Variants in PTPRD observed in about 807,000 individuals in gnomAD.
The protein encoded by PTPRD is receptor-type tyrosine-protein phosphatase delta.
A neutral mutation model predicts 214.5 loss-of-function variants in PTPRD; 34 were observed. That is an observed-to-expected ratio of 0.16 (90% CI 0.12 to 0.21). The LOEUF (loss-of-function observed/expected upper bound fraction) is 0.21, where lower values mean the gene tolerates loss of function less well. Among genes scored for constraint, PTPRD ranks in the 10% least tolerant of loss-of-function variants. The pLI is 1.00. For missense variants in PTPRD, 2,545 were observed against 2,398.7 expected, an observed-to-expected ratio of 1.06 and a Z score of -1.27; for synonymous variants, 1,128 against 845.7, an observed-to-expected ratio of 1.33 and a Z score of -5.79.
intron 8 of PTPRD, among the ~76,000 whole-genome samples, chr9:9,470,650 T>G (rs997458770): frequency 6.6e-6 from 1 of 152,200 alleles, no homozygotes; most frequent in Admixed American, 6.5e-5. Flanking sequence ...AAGTATATGG[T>G]ACCAAACTTC....
chr9:8,494,568 G>A (rs1355620492), intron 26 of PTPRD, among the ~76,000 whole-genome samples: 1 of 152,170 alleles, frequency 6.6e-6, no homozygotes, highest in Non-Finnish European at 1.5e-5. Flanking sequence ...CTGGAGTACT[G>A]CTGAAAAGCA....
chr9:10,063,006 C>A (rs1234497323), intron 3 of PTPRD, among the ~76,000 whole-genome samples: 2 of 152,060 alleles, frequency 1.3e-5, no homozygotes, highest in Non-Finnish European at 2.9e-5. Flanking sequence ...TAAGAAAAGA[C>A]TGTGGAAACA....
chr9:9,944,903 C>G (rs185781546), intron 4 of PTPRD, among the ~76,000 whole-genome samples: 216 of 151,820 alleles, frequency 1.4e-3, no homozygotes, highest in African/African-American at 4.9e-3. Flanking sequence ...AGAGATGAGA[C>G]TGAAGGAAGT....
chr9:9,372,289 G>T (rs1287959435), intron 9 of PTPRD, among the ~76,000 whole-genome samples: 7 of 152,076 alleles, frequency 4.6e-5, no homozygotes, highest in Non-Finnish European at 1.0e-4. Context: ...TTATGTATCT[G>T]GGTGCTCCTG....
chr9:9,732,538 C>T (rs2098216124), intron 7 of PTPRD, among the ~76,000 whole-genome samples: 1 of 152,058 alleles, frequency 6.6e-6, no homozygotes, highest in Non-Finnish European at 1.5e-5. Context: ...AGGACAATTA[C>T]AGGAGGAGGG....
At chr9:9,438,652 C>T (rs1047799342) in intron 8 of PTPRD, among the ~76,000 whole-genome samples, 2 of 152,142 alleles carry the variant, frequency 1.3e-5, no homozygotes, top group Admixed American at 6.6e-5. Flanking sequence ...GCTAATTATT[C>T]ACTATGACTA....
chr9:8,713,544 C>T (rs549501942), intron 12 of PTPRD: 8 of 1,320,746 alleles, frequency 6.1e-6, no homozygotes, highest in Admixed American at 5.1e-5. Context: ...TGAAGAACTT[C>T]GGGATCTGGC....
intron 7 of PTPRD, among the ~76,000 whole-genome samples, chr9:9,637,361 C>G (rs1287817816): frequency 6.6e-6 from 1 of 152,162 alleles, no homozygotes; most frequent in African/African-American, 2.4e-5. Context: ...TGAAATCAAA[C>G]AAGTTATGTA....
chr9:9,019,331 A>C (rs1413480206), intron 10 of PTPRD, among the ~76,000 whole-genome samples: 4 of 49,132 alleles, frequency 8.1e-5, no homozygotes, highest in African/African-American at 2.2e-4. Flanking sequence ...AAAGAAAGAA[A>C]GAAAGAACGA....
chr9:8,321,878 CTG>C (rs1012245590), intron 44 of PTPRD, among the ~76,000 whole-genome samples: 4 of 152,106 alleles, frequency 2.6e-5, no homozygotes, highest in Non-Finnish European at 5.9e-5. Flanking sequence ...AATTGAACGT[CTG>C]TGTCAATCTT....
intron 7 of PTPRD, among the ~76,000 whole-genome samples, chr9:9,603,541 C>T (rs1252633642): frequency 6.6e-6 from 1 of 152,136 alleles, no homozygotes; most frequent in East Asian, 1.9e-4. Flanking sequence ...AGCAGGCAAG[C>T]AAGCATTACC....
chr9:10,512,544 T>G (rs530023431), intron 2 of PTPRD, among the ~76,000 whole-genome samples: 1 of 152,270 alleles, frequency 6.6e-6, no homozygotes, highest in East Asian at 1.9e-4. Context: ...TGATTTTTAT[T>G]TAATTTCTAC....
intron 31 of PTPRD, among the ~76,000 whole-genome samples, chr9:8,468,455 G>C (rs1394669905): frequency 6.6e-6 from 1 of 151,936 alleles, no homozygotes; most frequent in African/African-American, 2.4e-5. Context: ...ATCAATGTCT[G>C]CTCTACCCAG....
intron 8 of PTPRD, among the ~76,000 whole-genome samples, chr9:9,424,421 T>C (rs1242410337): frequency 6.6e-6 from 1 of 152,192 alleles, no homozygotes; most frequent in Admixed American, 6.5e-5. Flanking sequence ...GAAGGTGAAG[T>C]GCTGAATAGC....
intron 9 of PTPRD, among the ~76,000 whole-genome samples, chr9:9,312,810 A>G (rs372238851): frequency 6.6e-6 from 1 of 152,216 alleles, no homozygotes; most frequent in South Asian, 2.1e-4. Context: ...ATACAAATGC[A>G]TAACAATAAA....
intron 44 of PTPRD, among the ~76,000 whole-genome samples, chr9:8,323,126 T>A (rs1830087245): frequency 2.6e-5 from 4 of 152,132 alleles, no homozygotes; most frequent in South Asian, 2.1e-4. Flanking sequence ...TGATAAGACA[T>A]CCGTTTATAG....
chr9:9,310,937 A>ATAAC (rs1427838042), intron 9 of PTPRD, among the ~76,000 whole-genome samples: 1 of 147,018 alleles, frequency 6.8e-6, no homozygotes, highest in African/African-American at 2.7e-5. Flanking sequence ...AAATAAATAA[A>ATAAC]TAAATAAATA....
chr9:9,254,230 A>G (rs890198027), intron 9 of PTPRD, among the ~76,000 whole-genome samples: 18 of 152,092 alleles, frequency 1.2e-4, no homozygotes, highest in African/African-American at 4.3e-4. Context: ...GCCACTACCC[A>G]TTCCTTTCAT....
chr9:8,956,119 A>T (rs554567610), intron 11 of PTPRD, among the ~76,000 whole-genome samples: 2 of 152,034 alleles, frequency 1.3e-5, no homozygotes, highest in East Asian at 3.9e-4. Flanking sequence ...AATAAATTAC[A>T]ATGTCAGAAA....
Sources: allele counts gnomAD v4.1 joint callset (sites outside exome capture counted in the v4.1 genomes callset), GRCh38; gene constraint gnomAD v4.1.1; transcripts MANE v1.5; gene names NCBI Gene and HGNC (gene_info 2026-07-23, HGNC 2026-07-21).